HMCN1: variants seen among roughly 807,000 people sequenced by gnomAD.
HMCN1 encodes the protein hemicentin-1.
A neutral mutation model predicts 625.9 loss-of-function variants in HMCN1; 321 were observed. The observed-to-expected ratio is 0.51, with a 90% CI of 0.47 to 0.56. HMCN1 has a LOEUF of 0.56. HMCN1 is among the 20% of genes least tolerant of loss of function. The pLI is 0.00. For missense variants in HMCN1, 6,588 were observed against 6,887.3 expected (o/e 0.96, Z 1.54); for synonymous variants, 2,425 against 2,417.6 (o/e 1.00, Z -0.09).
chr1:185,887,056 C>T (rs16824645), intron 4 of HMCN1, among the ~76,000 whole-genome samples: 9,637 of 152,138 alleles, frequency 0.063, 1,071 homozygotes, highest in African/African-American at 0.22. Context: ...GAAATAACGT[C>T]ACTTTTTAGC....
chr1:186,122,898 G>A (rs1043778340), intron 80 of HMCN1, 53 bp from the exon 81 acceptor site: 43 of 1,571,118 alleles, frequency 2.7e-5, no homozygotes, highest in African/African-American at 5.4e-5. Context: ...TGTAATTTGC[G>A]CACTCATGCT....
In HMCN1 at chr1:185,795,777, A is replaced by G. The variant is rs1658330230; in HGVS notation, c.269-50249A>G. On this transcript the variant is annotated intron_variant, in intron 1 of 106. Transcript: ENST00000271588. ...CGATTTCTTCCTCTTAGTGGATTTT[A>G]ATAAAATATACTAAGTAATTTCAAT... Among the ~76,000 whole-genome samples the G allele has an allele frequency of 2.0e-5, 3 of 152,188 alleles. No individual in the cohort carries two copies. The South Asian group carries it at 6.2e-4, about 31-fold the overall frequency.
In HMCN1 at chr1:186,042,400, G is replaced by A. The variant is rs146802306; in HGVS notation, c.6304+1264G>A. Among the ~76,000 whole-genome samples the A allele has an allele frequency of 2.9e-3, 435 of 152,284 alleles. 3 individuals are homozygous for A. Among genetic ancestry groups the A allele is most frequent in the African/African-American group, 9.9e-3 (411 of 41,576 alleles). ...CTTCAGTCATTAGGAAGCAAGTAGA[G>A]GGATGACGTTGGTATTGACTGGGTT... On this transcript the variant is annotated intron_variant, in intron 40 of 106. Transcript: ENST00000271588.
chr1:186,003,624 T>G, intron 28 of HMCN1, 94 bp from the exon 29 acceptor site: 1 of 1,196,474 alleles, frequency 8.4e-7, no homozygotes, highest in Admixed American at 1.7e-5. Flanking sequence ...AAGATCTTGT[T>G]GAAATACTAT....
intron 97 of HMCN1, among the ~76,000 whole-genome samples, chr1:186,156,949 G>T (rs1373380619): frequency 6.6e-6 from 1 of 152,096 alleles, no homozygotes; most frequent in African/African-American, 2.4e-5. Flanking sequence ...AGTACTGTAT[G>T]AGCCAAACCT....
chr1:185,850,547 T>C (rs1662097899), intron 2 of HMCN1, among the ~76,000 whole-genome samples: 1 of 152,080 alleles, frequency 6.6e-6, no homozygotes, highest in African/African-American at 2.4e-5. Context: ...CTTGCTCTGT[T>C]TGACTCCAGG....
chr1:186,175,727 G>T (rs1241530511), intron 103 of HMCN1, among the ~76,000 whole-genome samples: 2 of 151,824 alleles, frequency 1.3e-5, no homozygotes, highest in Non-Finnish European at 2.9e-5. Context: ...CTCAATAAAA[G>T]AGTTAAAATG....
chr1:186,078,398 G>T (rs1421286704), intron 55 of HMCN1, among the ~76,000 whole-genome samples, 178 bp downstream of exon 55: 1 of 152,146 alleles, frequency 6.6e-6, no homozygotes, highest in East Asian at 1.9e-4. Flanking sequence ...CAGGACTCTT[G>T]AAGTATTAAG....
chr1:186,114,479 G>T (rs985355003), intron 73 of HMCN1, among the ~76,000 whole-genome samples: 19 of 152,000 alleles, frequency 1.3e-4, no homozygotes, highest in Non-Finnish European at 2.4e-4. Context: ...GGCTGGTCTC[G>T]AACTCCTGAC....
intron 1 of HMCN1, among the ~76,000 whole-genome samples, chr1:185,745,863 A>C (rs1654356384): frequency 2.0e-5 from 3 of 152,194 alleles, no homozygotes; most frequent in Admixed American, 2.0e-4. Context: ...GAGATCATCC[A>C]AGGAGAGAGT....
chr1:186,136,811 G>T lies in HMCN1; in HGVS notation c.13456G>T (p.Val4486Phe). 6.2e-7 allele frequency: 1 copy of T among 1,613,978 alleles called. No homozygotes were observed. Among genetic ancestry groups the T allele is most frequent in the Non-Finnish European group, 8.5e-7 (1 of 1,179,958 alleles). Residue 4486 changes from valine (V) to phenylalanine (F), a missense_variant, in exon 87 of 107, where the codon GTT becomes TTT. Val to Phe is a conservative substitution (Grantham distance 50, BLOSUM62 -1). Transcript: ENST00000271588. ...QGHSISWDDR[V>F]NVLSNNSLYI... is the part of the protein sequence containing the mutation. Reference sequence around the variant, plus strand: ...GCACTCTATTTCCTGGGATGACCGGGTTAACGTGTTGTCCAACAACTCATT... The same window carrying T: ...GCACTCTATTTCCTGGGATGACCGGTTTAACGTGTTGTCCAACAACTCATT...
Position 185,909,497 on chromosome 1 carries a change from G to A in HMCN1, c.782G>A (p.Arg261His), listed in dbSNP as rs753817944. 6.0e-5 allele frequency: 96 copies of A among 1,612,640 alleles called. No individual in the cohort carries two copies. Among genetic ancestry groups the A allele is most frequent in the Non-Finnish European group, 6.5e-5 (77 of 1,179,032 alleles). ...LSGPSPMIEIRNPLGKLIKKG... is the reference protein window; with the variant it reads ...LSGPSPMIEIHNPLGKLIKKG... ...GGGCCTTCTCCAATGATTGAAATTC[G>A]CAATCCTTTAGGTGAGATATATCAA... Residue 261 changes from arginine to histidine, a missense_variant, in exon 5 of 107, where the codon CGC becomes CAC. By Grantham distance (29) the Arg-to-His change is conservative (BLOSUM62 0). Transcript: ENST00000271588.
chr1:185,766,341 A>G (rs1299515393), intron 1 of HMCN1, among the ~76,000 whole-genome samples: 1 of 152,132 alleles, frequency 6.6e-6, no homozygotes, highest in Non-Finnish European at 1.5e-5. Context: ...CTGTCTGAGG[A>G]CATTAGCCAG....
intron 39 of HMCN1, 131 bp downstream of exon 39, chr1:186,040,010 C>T: frequency 1.2e-6 from 1 of 856,822 alleles, no homozygotes; most frequent in South Asian, 1.4e-5. Context: ...TACACATATG[C>T]AACCATAAAC....
chr1:185,770,325 T>A (rs1389566071), intron 1 of HMCN1, among the ~76,000 whole-genome samples: 1 of 152,200 alleles, frequency 6.6e-6, no homozygotes, highest in Non-Finnish European at 1.5e-5. Context: ...AGTAAATAAT[T>A]TAGCTTTTAA....
chr1:185,803,205 C>CAAAAAAAAAAAAAAAAAAAAAGA, intron 1 of HMCN1, among the ~76,000 whole-genome samples: 1 of 58,754 alleles, frequency 1.7e-5, no homozygotes, highest in East Asian at 6.5e-4. Context: ...AAAAAAAAAG[C>CAAAAAAAAAAAAAAAAAAAAAGA]AAAAAAAAAA....
At chr1:186,129,912 G>A in intron 83 of HMCN1, 54 bp from the exon 84 acceptor site, 1 of 1,609,686 alleles carries the variant, frequency 6.2e-7, no homozygotes, top group Non-Finnish European at 8.5e-7. Context: ...GAGCTGTCGT[G>A]AAATTTTTCC....
chr1:185,924,931 G>C, intron 8 of HMCN1, 116 bp from the exon 9 acceptor site: 3 of 917,676 alleles, frequency 3.3e-6, no homozygotes, highest in Middle Eastern at 4.2e-4. Flanking sequence ...GGAATGCAGA[G>C]GATTTACTGG....
chr1:185,952,030 A>T lies in HMCN1; in HGVS notation c.1829-10488A>T, dbSNP rs1441618162. On this transcript the variant is annotated intron_variant, in intron 11 of 106. Coordinates refer to ENST00000271588, the MANE Select transcript of HMCN1 (RefSeq NM_031935.3). Reference sequence around the variant, plus strand: ...GTATTTTGAGAATAAGACGGCCTTTAGACCTTTTAGGGTCCAGGGCTGTAA... The same window carrying T: ...GTATTTTGAGAATAAGACGGCCTTTTGACCTTTTAGGGTCCAGGGCTGTAA... Among the ~76,000 whole-genome samples the T allele has an allele frequency of 2.7e-4, 41 of 151,704 alleles. 1 individual carries two copies. Among genetic ancestry groups the T allele is most frequent in the African/African-American group, 9.5e-4 (39 of 41,106 alleles).
Sources: allele counts gnomAD v4.1 joint callset (sites outside exome capture counted in the v4.1 genomes callset), GRCh38; gene constraint gnomAD v4.1.1; transcripts MANE v1.5; gene names NCBI Gene and HGNC (gene_info 2026-07-23, HGNC 2026-07-21).